Variants in TAFA2 observed in about 807,000 individuals in gnomAD.
TAFA2 encodes the protein chemokine-like protein TAFA-2.
TAFA2 carries 7 observed loss-of-function variants against 18.8 expected under a neutral mutation model. That is an observed-to-expected ratio of 0.37 (90% CI 0.21 to 0.70). TAFA2 has a LOEUF of 0.70. TAFA2 is among the 30% of genes least tolerant of loss of function. The pLI, the probability that TAFA2 is intolerant of heterozygous loss-of-function variation, is 0.53. For synonymous variants in TAFA2, 60 were observed against 54.2 expected (o/e 1.11, Z -0.47); for missense variants, 122 against 158.1 (o/e 0.77, Z 1.23).
intron 1 of TAFA2, among the ~76,000 whole-genome samples, chr12:62,091,786 AC>A (rs1390495180): frequency 2.6e-5 from 4 of 151,976 alleles, no homozygotes; most frequent in African/African-American, 9.7e-5. Context: ...CAATCACAAT[AC>A]TGTTTCATAA....
At chr12:61,995,989 C>T (rs949616710) in intron 1 of TAFA2, among the ~76,000 whole-genome samples, 2 of 151,902 alleles carry the variant, frequency 1.3e-5, no homozygotes, top group African/African-American at 2.4e-5. Flanking sequence ...TCCTCCCCCA[C>T]AAAAAGACAA....
At chr12:61,931,458 A>G (rs1877551057) in intron 1 of TAFA2, among the ~76,000 whole-genome samples, 1 of 152,204 alleles carries the variant, frequency 6.6e-6, no homozygotes. Flanking sequence ...GAAATTGGAT[A>G]CCTTTTAATG....
At chr12:61,980,912 G>A (rs920200043) in intron 1 of TAFA2, among the ~76,000 whole-genome samples, 1 of 151,998 alleles carries the variant, frequency 6.6e-6, no homozygotes, top group Non-Finnish European at 1.5e-5. Context: ...AATGCCATCT[G>A]CATCAAGCTA....
At chr12:62,194,513 A>C (rs1345268789), upstream of TAFA2, among the ~76,000 whole-genome samples, 1 of 152,216 alleles carries the variant, frequency 6.6e-6, no homozygotes, top group Non-Finnish European at 1.5e-5. Flanking sequence ...AAAAGTAAAG[A>C]GAACAGATAT....
At chr12:62,056,878 C>G (rs1882201479) in intron 1 of TAFA2, among the ~76,000 whole-genome samples, 1 of 152,204 alleles carries the variant, frequency 6.6e-6, no homozygotes, top group Admixed American at 6.5e-5. Context: ...GAAGGCGCTT[C>G]TAATCTGTCG....
chr12:61,918,711 A>G lies in TAFA2; in HGVS notation c.-1-51285T>C, dbSNP rs79049709. 8.1e-3 allele frequency among the ~76,000 whole-genome samples: 1,228 copies of G among 152,154 alleles called. 16 individuals are homozygous for G. Among genetic ancestry groups the G allele is most frequent in the African/African-American group, 0.029 (1,185 of 41,528 alleles). On this transcript the variant is annotated intron_variant, in intron 1 of 4. Coordinates refer to ENST00000416284, the MANE Select transcript of TAFA2 (RefSeq NM_178539.5). Reference sequence around the variant, plus strand: ...TGGATCATATGGTAGTTCTATTTTTAGTTTTTTTGAGGAACCTCCAAAATG... The same window carrying G: ...TGGATCATATGGTAGTTCTATTTTTGGTTTTTTTGAGGAACCTCCAAAATG...
At chr12:62,061,071 A>G (rs1882335527) in intron 1 of TAFA2, among the ~76,000 whole-genome samples, 1 of 151,990 alleles carries the variant, frequency 6.6e-6, no homozygotes, top group African/African-American at 2.4e-5. Flanking sequence ...GGGTTAATTT[A>G]TTATTGGAGA....
intron 1 of TAFA2, among the ~76,000 whole-genome samples, chr12:62,220,481 C>G (rs547024148): frequency 6.6e-6 from 1 of 152,288 alleles, no homozygotes; most frequent in Non-Finnish European, 1.5e-5. Flanking sequence ...TTTTGGGAGA[C>G]AGTTTTGCAG....
chr12:62,213,641 C>A (rs369596194), intron 1 of TAFA2, among the ~76,000 whole-genome samples: 67 of 145,290 alleles, frequency 4.6e-4, no homozygotes, highest in East Asian at 4.1e-4. Flanking sequence ...GACTCTGTCT[C>A]AAAAAAAAAA....
At chr12:62,200,523 T>A (rs547781874) in intron 1 of TAFA2, among the ~76,000 whole-genome samples, 1 of 152,352 alleles carries the variant, frequency 6.6e-6, no homozygotes, top group South Asian at 2.1e-4. Context: ...CCTTTCCCTA[T>A]TGCTCATTTT....
chr12:62,182,651 A>G (rs1033990287), intron 1 of TAFA2, among the ~76,000 whole-genome samples: 7 of 152,196 alleles, frequency 4.6e-5, no homozygotes, highest in African/African-American at 1.7e-4. Flanking sequence ...TTCTGGGACT[A>G]CAGAGCCTGT....
At chr12:61,787,365 A>AAGTATAAAACTCAGT (rs1309100296) in intron 2 of TAFA2, among the ~76,000 whole-genome samples, 1 of 151,588 alleles carries the variant, frequency 6.6e-6, no homozygotes, top group Non-Finnish European at 1.5e-5. Context: ...AAACATATGA[A>AAGTATAAAACTCAGT]AGTATAAAAC....
intron 1 of TAFA2, among the ~76,000 whole-genome samples, chr12:62,200,419 G>A (rs893289622): frequency 7.3e-5 from 11 of 151,590 alleles, no homozygotes; most frequent in African/African-American, 2.4e-4. Flanking sequence ...TCCATCATGA[G>A]TTAATTTTTG....
At chr12:62,111,958 C>A (rs1869752931) in intron 1 of TAFA2, among the ~76,000 whole-genome samples, 1 of 152,108 alleles carries the variant, frequency 6.6e-6, no homozygotes, top group African/African-American at 2.4e-5. Context: ...CAGTATGTGT[C>A]TTTTAATTAG....
chr12:61,738,159 T>C (rs1868337764), intron 4 of TAFA2, among the ~76,000 whole-genome samples: 1 of 151,964 alleles, frequency 6.6e-6, no homozygotes, highest in South Asian at 2.1e-4. Flanking sequence ...GTTATATTAG[T>C]AATAGCAAAA....
At chr12:62,116,010 AG>A (rs1430603557) in intron 1 of TAFA2, among the ~76,000 whole-genome samples, 2 of 152,236 alleles carry the variant, frequency 1.3e-5, no homozygotes, top group Non-Finnish European at 2.9e-5. Context: ...TAACTAATCT[AG>A]GAAAGTAACA....
At chr12:62,098,654 G>T (rs759292350) in intron 1 of TAFA2, among the ~76,000 whole-genome samples, 5 of 152,114 alleles carry the variant, frequency 3.3e-5, no homozygotes, top group Non-Finnish European at 7.4e-5. Flanking sequence ...TTTTTGTTAA[G>T]CTAGCTTGAG....
chr12:62,063,225 C>T (rs1358037625), intron 1 of TAFA2, among the ~76,000 whole-genome samples: 1 of 152,106 alleles, frequency 6.6e-6, no homozygotes, highest in East Asian at 1.9e-4. Flanking sequence ...GTTGTCCTGG[C>T]TATTTGTAGA....
chr12:62,129,521 G>A (rs903454494), intron 1 of TAFA2, among the ~76,000 whole-genome samples: 1 of 151,994 alleles, frequency 6.6e-6, no homozygotes, highest in African/African-American at 2.4e-5. Context: ...CGATACGGTG[G>A]TAATGAACGT....
Sources: allele counts gnomAD v4.1 joint callset (sites outside exome capture counted in the v4.1 genomes callset), GRCh38; gene constraint gnomAD v4.1.1; transcripts MANE v1.5; gene names NCBI Gene and HGNC (gene_info 2026-07-23, HGNC 2026-07-21).